MYO1E: variants seen among roughly 807,000 people sequenced by gnomAD.
The protein encoded by MYO1E is myosin IE.
Under a neutral mutation model 151.1 loss-of-function variants are expected in MYO1E, and 68 were observed. The ratio of observed to expected loss-of-function variants is 0.45; its 90% CI spans 0.37 to 0.55. The LOEUF (loss-of-function observed/expected upper bound fraction) is 0.55. Ranked by LOEUF, MYO1E falls within the 20% of genes least tolerant of loss-of-function variation. The pLI, the probability that MYO1E is intolerant of heterozygous loss-of-function variation, is 0.00. For missense variants in MYO1E, 1,363 were observed against 1,389.3 expected (o/e 0.98, Z 0.30); for synonymous variants, 601 against 501.7 (o/e 1.20, Z -2.64).
chr15:59,157,880 T>A (rs7175642), intron 25 of MYO1E, among the ~76,000 whole-genome samples: 1 of 151,978 alleles, frequency 6.6e-6, no homozygotes, highest in Non-Finnish European at 1.5e-5. Flanking sequence ...GATAAGGGGG[T>A]GCTGCTGTAG....
At chr15:59,204,139 A>C (rs558619553) in intron 15 of MYO1E, among the ~76,000 whole-genome samples, 5 of 152,344 alleles carry the variant, frequency 3.3e-5, no homozygotes, top group South Asian at 2.1e-4. Context: ...CCCACAAGCC[A>C]GGACTTGTGG....
In MYO1E at chr15:59,335,136, C is replaced by T. The variant is rs145816856; in HGVS notation, c.3+37362G>A. 1.1e-3 allele frequency among the ~76,000 whole-genome samples: 167 copies of T among 152,284 alleles called. 1 individual carries two copies. Among genetic ancestry groups the T allele is most frequent in the African/African-American group, 3.7e-3 (153 of 41,544 alleles). On this transcript the variant is annotated intron_variant, in intron 1 of 27. Coordinates refer to ENST00000288235, the MANE Select transcript of MYO1E (RefSeq NM_004998.4). ...CAAGGGCATTCTTGTGGCATCTAAGCCTACTCAGAATAATCTTTATTCATT... is the reference window on the plus strand; with the variant it reads ...CAAGGGCATTCTTGTGGCATCTAAGTCTACTCAGAATAATCTTTATTCATT...
chr15:59,232,856 G>A (rs1009978142), intron 5 of MYO1E, among the ~76,000 whole-genome samples: 147 of 152,194 alleles, frequency 9.7e-4, no homozygotes, highest in African/African-American at 3.5e-3. Context: ...TACAAAGGGT[G>A]TAACAGGCAC....
chr15:59,136,669 G>A lies in MYO1E; in HGVS notation c.*711C>T. 2.2e-6 allele frequency: 1 copy of A among 456,332 alleles called. No homozygotes were observed. The highest frequency in any genetic ancestry group is 4.4e-6 in the Non-Finnish European group (1 of 226,718). The allele number at this position is 456,332 out of a possible 1,614,324, so 28.3% of individuals were successfully genotyped here. A position where few individuals can be genotyped will look rare whatever the true frequency, so the allele number is the denominator to read the frequency against. ...TACAGCTTGAAAAAAGATCCTTCTT[G>A]TAGTAAGTACAGCATTTAAACACAA... On this transcript the variant is annotated 3_prime_UTR_variant, in exon 28 of 28. Coordinates refer to ENST00000288235, the MANE Select transcript of MYO1E (RefSeq NM_004998.4).
At chr15:59,217,370 T>C (rs187660774) in intron 10 of MYO1E, among the ~76,000 whole-genome samples, 20 of 151,978 alleles carry the variant, frequency 1.3e-4, no homozygotes, top group African/African-American at 4.6e-4. Context: ...AGAAACTTGT[T>C]ACCACATTAG....
At chr15:59,236,358 A>AG (rs2080063652) in intron 5 of MYO1E, among the ~76,000 whole-genome samples, 1 of 65,276 alleles carries the variant, frequency 1.5e-5, no homozygotes, top group African/African-American at 4.2e-5. Flanking sequence ...AAAAGAAAAA[A>AG]AAAAAATATA....
intron 2 of MYO1E, chr15:59,272,105 C>T (rs2080292066): frequency 1.7e-6 from 1 of 578,750 alleles, no homozygotes; most frequent in African/African-American, 1.9e-5. Context: ...GGAATAAAGC[C>T]ACAAGTTCAG....
intron 12 of MYO1E, among the ~76,000 whole-genome samples, 195 bp downstream of exon 12, chr15:59,214,032 CA>C (rs1487701416): frequency 9.2e-5 from 14 of 152,292 alleles, no homozygotes; most frequent in African/African-American, 3.1e-4. Context: ...AAGAAGAAGG[CA>C]AATGCTGCAG....
At chr15:59,224,128 A>C (rs1463758701) in intron 8 of MYO1E, among the ~76,000 whole-genome samples, 1 of 152,218 alleles carries the variant, frequency 6.6e-6, no homozygotes, top group Non-Finnish European at 1.5e-5. Flanking sequence ...AGAAAGTTCT[A>C]CATTATTGCC....
intron 17 of MYO1E, among the ~76,000 whole-genome samples, chr15:59,194,066 C>A (rs1338639629): frequency 6.6e-6 from 1 of 151,808 alleles, no homozygotes; most frequent in African/African-American, 2.4e-5. Context: ...CTCAACTACT[C>A]AGGAGGCTGA....
rs891988664 is a variant in MYO1E, at chr15:59,346,680, A to G, written c.3+25818T>C. On this transcript the variant is annotated intron_variant, in intron 1 of 27. Transcript: ENST00000288235. ...GGTGTCTCACGACTGTAATCCCAGC[A>G]CTTTTGGAGGATCACTAGAGCCCAG... Among the ~76,000 whole-genome samples, 3 of 152,184 alleles carry G rather than the reference A, an allele frequency of 2.0e-5. No individual in the cohort carries two copies. The East Asian group carries it at 5.8e-4, about 29-fold the overall frequency.
At chr15:59,311,656 T>C (rs2080552914) in intron 1 of MYO1E, among the ~76,000 whole-genome samples, 1 of 152,154 alleles carries the variant, frequency 6.6e-6, no homozygotes. Flanking sequence ...CAGTTGGTGT[T>C]ATAGGCAACG....
chr15:59,325,388 T>A (rs1275150024), intron 1 of MYO1E, among the ~76,000 whole-genome samples: 5 of 152,178 alleles, frequency 3.3e-5, no homozygotes, highest in African/African-American at 1.2e-4. Flanking sequence ...TAACCAGGGA[T>A]TTCGTGGAAG....
intron 4 of MYO1E, among the ~76,000 whole-genome samples, chr15:59,242,110 T>C (rs1259897099): frequency 4.6e-5 from 7 of 152,214 alleles, no homozygotes; most frequent in African/African-American, 2.4e-5. Flanking sequence ...ACATTTTATA[T>C]AGACTCTAGA....
At chr15:59,293,157 C>T (rs1464845248) in intron 1 of MYO1E, among the ~76,000 whole-genome samples, 5 of 152,104 alleles carry the variant, frequency 3.3e-5, no homozygotes, top group Non-Finnish European at 1.5e-5. Context: ...AGAAGGGCAA[C>T]GGACAATCAC....
At chr15:59,217,266 A>C (rs2079924539) in intron 10 of MYO1E, among the ~76,000 whole-genome samples, 1 of 152,178 alleles carries the variant, frequency 6.6e-6, no homozygotes, top group African/African-American at 2.4e-5. Context: ...CATATTCCTA[A>C]ATCTTTAGGT....
chr15:59,284,150 A>G (rs2080373403), intron 1 of MYO1E, among the ~76,000 whole-genome samples: 1 of 152,152 alleles, frequency 6.6e-6, no homozygotes, highest in African/African-American at 2.4e-5. Context: ...GGGGCATGGG[A>G]GTGCCCAATC....
chr15:59,282,141 T>C (rs2080356513), intron 1 of MYO1E, among the ~76,000 whole-genome samples: 1 of 152,262 alleles, frequency 6.6e-6, no homozygotes, highest in Non-Finnish European at 1.5e-5. Context: ...AAATAACTTC[T>C]GTTCGATTTC....
chr15:59,316,322 G>A (rs1450959168), intron 1 of MYO1E, among the ~76,000 whole-genome samples: 1 of 152,154 alleles, frequency 6.6e-6, no homozygotes, highest in Non-Finnish European at 1.5e-5. Context: ...CAGAGTGGAT[G>A]CCATTTTTCC....
Sources: gnomAD v4.1 joint callset for allele counts (sites outside exome capture counted in the v4.1 genomes callset) on GRCh38, gnomAD v4.1.1 for gene constraint, MANE v1.5 for transcripts, NCBI Gene and HGNC (gene_info 2026-07-23, HGNC 2026-07-21) for gene names.